PPP1R42: variants seen among roughly 807,000 people sequenced by gnomAD.
PPP1R42 encodes leucine rich repeat containing 67.
A neutral mutation model predicts 31.0 loss-of-function variants in PPP1R42; 34 were observed. The ratio of observed to expected loss-of-function variants is 1.10; its 90% confidence interval spans 0.83 to 1.46. PPP1R42 has a LOEUF of 1.46. PPP1R42 is among the 40% of genes most tolerant of loss of function. PPP1R42 has a pLI of 0.00. For missense variants in PPP1R42, 268 were observed against 303.0 expected (o/e 0.88, Z 0.86); for synonymous variants, 103 against 109.8 (o/e 0.94, Z 0.39).
At chr8:66,989,072 C>T (rs977071799) in intron 5 of PPP1R42, among the ~76,000 whole-genome samples, 2 of 152,002 alleles carry the variant, frequency 1.3e-5, no homozygotes, top group Non-Finnish European at 2.9e-5. Context: ...GTTATGTATC[C>T]TTCTAATCTT....
intron 1 of PPP1R42, 110 bp downstream of exon 1, chr8:67,028,381 G>A (rs979377090): frequency 1.4e-5 from 7 of 494,578 alleles, no homozygotes; most frequent in Non-Finnish European, 1.8e-5. Context: ...TAGGGCCCAA[G>A]GATCTGCATT....
chr8:67,015,598 CTTT>C (rs375638249), intron 2 of PPP1R42, among the ~76,000 whole-genome samples: 13 of 135,440 alleles, frequency 9.6e-5, no homozygotes, highest in Non-Finnish European at 9.7e-5. Context: ...ACATCAATTA[CTTT>C]TTTTTTTTTT....
At chr8:67,018,571 G>A (rs1303743443) in intron 1 of PPP1R42, among the ~76,000 whole-genome samples, 2 of 150,876 alleles carry the variant, frequency 1.3e-5, no homozygotes, top group Non-Finnish European at 2.9e-5. Context: ...GGAGTGCAGT[G>A]GCACGGTCTT....
intron 7 of PPP1R42, chr8:66,968,390 T>A: frequency 1.3e-6 from 1 of 766,414 alleles, no homozygotes; most frequent in Non-Finnish European, 1.6e-6. Flanking sequence ...CCTAAAGGAG[T>A]GTGGGGCACA....
At chr8:67,013,291 A>C (rs1815899140) in intron 3 of PPP1R42, among the ~76,000 whole-genome samples, 195 bp from the exon 4 acceptor site, 2 of 152,146 alleles carry the variant, frequency 1.3e-5, no homozygotes, top group South Asian at 4.1e-4. Context: ...AATTTAGTCT[A>C]AAAGTACATT....
At chr8:67,003,389 C>CTT (rs5892069) in intron 5 of PPP1R42, among the ~76,000 whole-genome samples, 27 of 32,834 alleles carry the variant, frequency 8.2e-4, no homozygotes, top group Middle Eastern at 0.038. Context: ...TTTCATGCTT[C>CTT]TTTTTTTTTT....
chr8:67,016,410 A>C (rs1267711320), intron 2 of PPP1R42, among the ~76,000 whole-genome samples: 1 of 152,190 alleles, frequency 6.6e-6, no homozygotes, highest in Non-Finnish European at 1.5e-5. Flanking sequence ...ACAGATACCA[A>C]CACAAATGGC....
At chr8:67,019,900 A>T (rs192091140) in intron 1 of PPP1R42, among the ~76,000 whole-genome samples, 1 of 151,582 alleles carries the variant, frequency 6.6e-6, no homozygotes, top group South Asian at 2.1e-4. Flanking sequence ...CAAAAAAAAA[A>T]CCAAAAAAAC....
At chr8:67,024,071 G>T (rs942527898) in intron 1 of PPP1R42, among the ~76,000 whole-genome samples, 1 of 151,806 alleles carries the variant, frequency 6.6e-6, no homozygotes, top group African/African-American at 2.4e-5. Flanking sequence ...ACTTGAACCC[G>T]TTAGGAGGAG....
intron 7 of PPP1R42, among the ~76,000 whole-genome samples, chr8:66,974,047 T>A (rs1814606652): frequency 1.3e-5 from 2 of 152,218 alleles, no homozygotes. Context: ...GCAATGAACA[T>A]AGGAGTACTG....
chr8:67,023,921 G>A (rs554312182), intron 1 of PPP1R42, among the ~76,000 whole-genome samples: 20 of 152,056 alleles, frequency 1.3e-4, no homozygotes, highest in African/African-American at 4.8e-4. Flanking sequence ...GAGGTGGGCA[G>A]ATCACGAGGC....
At chr8:66,985,836 A>G in intron 6 of PPP1R42, 1 of 1,219,858 alleles carries the variant, frequency 8.2e-7, no homozygotes, top group South Asian at 1.3e-5. Flanking sequence ...CAGGACTCTG[A>G]TGGAGGCCCA....
intron 1 of PPP1R42, among the ~76,000 whole-genome samples, chr8:67,026,314 G>A (rs1428892416): frequency 2.6e-5 from 4 of 151,680 alleles, no homozygotes; most frequent in Non-Finnish European, 5.9e-5. Context: ...CTCCAGACTG[G>A]GCAACAAGAG....
chr8:66,965,494 T>C (rs1286989563), intron 7 of PPP1R42, among the ~76,000 whole-genome samples: 1 of 150,590 alleles, frequency 6.6e-6, no homozygotes, highest in East Asian at 2.0e-4. Context: ...TGGAGTGCAG[T>C]GGTGTGATCA....
intron 5 of PPP1R42, among the ~76,000 whole-genome samples, chr8:67,005,592 A>G (rs1024956501): frequency 2.0e-5 from 3 of 152,216 alleles, no homozygotes; most frequent in Admixed American, 6.5e-5. Flanking sequence ...AAAGGCTACC[A>G]GTGTCTTCCT....
rs186568896 is a variant in PPP1R42, at chr8:67,014,460, C to G, written c.262G>C (p.Glu88Gln). ...AGTTTCTTTAATGACCTGAGGTTCT[C>G]TATACATGAAATACAATTGTTTTGT... is the stretch of plus-strand genomic sequence containing the variant. ...YLQNNCISCI[E>Q]NLRSLKKLEK... Residue 88 changes from glutamate (E) to glutamine (Q), a missense_variant, in exon 3 of 8, where the codon GAG becomes CAG. Coordinates refer to ENST00000685739, the MANE Select transcript of PPP1R42 (RefSeq NM_001364910.1). 1 of 1,571,650 alleles carries G rather than the reference C, an allele frequency of 6.4e-7. No individual in the cohort carries two copies. The highest frequency in any genetic ancestry group is 8.6e-7 in the Non-Finnish European group (1 of 1,161,598).
At chr8:67,017,230 T>C (rs1359627950) in intron 2 of PPP1R42, among the ~76,000 whole-genome samples, 5 of 152,136 alleles carry the variant, frequency 3.3e-5, no homozygotes, top group African/African-American at 4.8e-5. Context: ...TCCCAGCACT[T>C]TGGAAGGCCA....
chr8:66,988,047 G>T, intron 6 of PPP1R42: 1 of 669,298 alleles, frequency 1.5e-6, no homozygotes, highest in Non-Finnish European at 1.9e-6. Flanking sequence ...TTTATCTACA[G>T]AACCAAGAGC....
At chr8:66,993,893 A>C (rs1425356647) in intron 5 of PPP1R42, among the ~76,000 whole-genome samples, 2 of 152,240 alleles carry the variant, frequency 1.3e-5, no homozygotes, top group East Asian at 3.8e-4. Context: ...TAAGGCTAGA[A>C]GCAGGACAGG....
Sources: allele counts gnomAD v4.1 joint callset (sites outside exome capture counted in the v4.1 genomes callset), GRCh38; gene constraint gnomAD v4.1.1; transcripts MANE v1.5; gene names NCBI Gene and HGNC (gene_info 2026-07-23, HGNC 2026-07-21).